The following ASIC4 variants were observed in gnomAD, a reference collection of about 807,000 sequenced individuals.
The protein encoded by ASIC4 is acid sensing ion channel subunit family member 4, also known as acid-sensing ion channel 4.
ASIC4 carries 28 observed loss-of-function variants against 53.4 expected under a neutral mutation model. The observed-to-expected ratio is 0.52, with a 90% confidence interval of 0.39 to 0.72. The LOEUF is 0.72. Ranked by LOEUF, ASIC4 falls within the 30% of genes least tolerant of loss-of-function variation. The pLI, the probability that ASIC4 is intolerant of heterozygous loss-of-function variation, is 0.00. For missense variants in ASIC4, 649 were observed against 729.7 expected, an observed-to-expected ratio of 0.89 and a Z score of 1.27; for synonymous variants, 289 against 301.4, an observed-to-expected ratio of 0.96 and a Z score of 0.43.
rs997732848 is a variant in ASIC4, at chr2:219,538,276, A to T, written c.*230A>T. 3 of 502,712 alleles carry T rather than the reference A, an allele frequency of 6.0e-6. No homozygotes were observed. The highest frequency in any genetic ancestry group is 1.1e-5 in the Non-Finnish European group (3 of 279,146). The allele number at this position is 502,712 out of a possible 1,614,324, so 31.1% of individuals were successfully genotyped here. ...CCCCGGGAGGGCTGGAGACCAGGCC[A>T]TGGGCCCTCACGGAGAGGAAGGGAA... is the stretch of plus-strand genomic sequence containing the variant. On this transcript the variant is annotated 3_prime_UTR_variant, in exon 10 of 10. Coordinates refer to ENST00000358078, the MANE Select transcript of ASIC4 (RefSeq NM_018674.6).
In ASIC4 at chr2:219,537,156, G is replaced by A. The variant is rs767702229; in HGVS notation, c.1320G>A (p.Leu440=). 6.2e-7 allele frequency: 1 copy of A among 1,613,872 alleles called. No homozygotes were observed. The highest frequency in any genetic ancestry group is 1.1e-5 in the South Asian group (1 of 91,082). The part of the protein sequence containing the change: ...QRAAYGLSAL[L]GDLGGQMGLF... ...CAGCCTATGGCCTGTCAGCCCTGCT[G>A]GGTGAGACTGGTGTCCCTGCCCCCA... The change falls in exon 7 of 10, where the codon CTG becomes CTA. Residue 440 remains leucine, a splice_region_variant and synonymous_variant. Transcript: ENST00000358078. This position sits in a 1 kb window ranked among gnomAD's most constrained non-coding sequence, Gnocchi z 4.9.
the ASIC4 span, among the ~76,000 whole-genome samples, chr2:219,508,970 G>A: frequency 6.6e-6 from 1 of 152,084 alleles, no homozygotes; most frequent in Admixed American, 6.5e-5. Context: ...GGGCGACAGG[G>A]GAGGAGAGCC....
chr2:219,515,744 T>C (rs1574486351), intron 1 of ASIC4, among the ~76,000 whole-genome samples: 1 of 151,698 alleles, frequency 6.6e-6, no homozygotes, highest in African/African-American at 2.4e-5. Context: ...GGAGGGGAGG[T>C]TTGGGGGGCT....
At chr2:219,511,028 C>T (rs889653855), upstream of ASIC4, among the ~76,000 whole-genome samples, 15 of 152,184 alleles carry the variant, frequency 9.9e-5, no homozygotes, top group South Asian at 4.1e-4. This position sits in a 1 kb window ranked among gnomAD's most constrained non-coding sequence, Gnocchi z 5.3. Flanking sequence ...TGTCCCTTAC[C>T]GCCCACATCT....
At chr2:219,507,451 G>GTT in the ASIC4 span, among the ~76,000 whole-genome samples, 1 of 152,232 alleles carries the variant, frequency 6.6e-6, no homozygotes, top group Non-Finnish European at 1.5e-5. Flanking sequence ...CAGGGTGGGG[G>GTT]TTTTGCCTCT....
rs1695066436 is a variant in ASIC4, at chr2:219,532,899, C to T, written c.1035C>T (p.Cys345=). Residue 345 remains cysteine (C), a synonymous_variant, in exon 5 of 10, where the codon TGC becomes TGT. Coordinates refer to ENST00000358078, the MANE Select transcript of ASIC4 (RefSeq NM_018674.6). The part of the protein sequence containing the change: ...MVHMPGNETI[C]PPNIYIECAD... Reference sequence around the variant, plus strand: ...TCCTTTCAGGCAATGAGACCATCTGCCCACCAAATATCTACATCGAGTGTG... The same window carrying T: ...TCCTTTCAGGCAATGAGACCATCTGTCCACCAAATATCTACATCGAGTGTG... 2.5e-6 allele frequency: 4 copies of T among 1,613,672 alleles called. No individual in the cohort carries two copies. Among genetic ancestry groups the T allele is most frequent in the Non-Finnish European group, 3.4e-6 (4 of 1,179,774 alleles).
In ASIC4 at chr2:219,537,135, C is replaced by G; in HGVS notation, c.1299C>G (p.Ala433=). Residue 433 remains alanine, a synonymous_variant, in exon 7 of 10, where the codon GCC becomes GCG. Transcript: ENST00000358078. This position sits in a 1 kb window ranked among gnomAD's most constrained non-coding sequence, Gnocchi z 4.9. Reference sequence around the variant, plus strand: ...CTGAAGCCATGGAGCAGCGAGCAGCCTATGGCCTGTCAGCCCTGCTGGGTG... The same window carrying G: ...CTGAAGCCATGGAGCAGCGAGCAGCGTATGGCCTGTCAGCCCTGCTGGGTG... ...LTSEAMEQRA[A]YGLSALLGDL... The G allele has an allele frequency of 6.2e-7, 1 of 1,614,118 alleles. No individual in the cohort carries two copies. Among genetic ancestry groups the G allele is most frequent in the Non-Finnish European group, 8.5e-7 (1 of 1,179,988 alleles).
chr2:219,519,695 G>A (rs1344184896), intron 1 of ASIC4, among the ~76,000 whole-genome samples: 1 of 152,238 alleles, frequency 6.6e-6, no homozygotes, highest in Non-Finnish European at 1.5e-5. Flanking sequence ...ATAGCCATAC[G>A]TGGCTATAGG....
intron 1 of ASIC4, among the ~76,000 whole-genome samples, chr2:219,519,313 G>T (rs1192222847): frequency 1.3e-5 from 2 of 152,144 alleles, no homozygotes; most frequent in Non-Finnish European, 2.9e-5. Context: ...TATAAATGCC[G>T]CCACCCCAAC....
At chr2:219,529,640 C>G (rs2125665117) in intron 1 of ASIC4, among the ~76,000 whole-genome samples, 1 of 152,204 alleles carries the variant, frequency 6.6e-6, no homozygotes, top group South Asian at 2.1e-4. Context: ...ATGAGGTGCA[C>G]CTCTCCTTCT....
chr2:219,515,306 G>C lies in ASIC4; in HGVS notation c.582G>C (p.Val194=), dbSNP rs371482112. 26 of 1,606,004 alleles carry C rather than the reference G, an allele frequency of 1.6e-5. No individual in the cohort carries two copies. Among genetic ancestry groups the C allele is most frequent in the Non-Finnish European group, 2.1e-5 (25 of 1,175,296 alleles). The change falls in exon 1 of 10, where the codon GTG becomes GTC. Residue 194 remains valine, a splice_region_variant and synonymous_variant. Transcript: ENST00000358078. The part of the protein sequence containing the change: ...GHHCSASNFS[V]VYTRYGKCYT... ...ACTGCTCCGCCAGCAACTTCTCTGT[G>C]GTGAGTTCTGCCAGCTGGGCTGCCT... is the stretch of plus-strand genomic sequence containing the variant.
intron 5 of ASIC4, 103 bp downstream of exon 5, chr2:219,533,042 G>GAAGAACCCTCCAGGA: frequency 1.5e-6 from 2 of 1,315,660 alleles, no homozygotes; most frequent in Non-Finnish European, 2.2e-6. Flanking sequence ...TCTCTTCCTG[G>GAAGAACCCTCCAGGA]AGGGTTCTTC....
intron 5 of ASIC4, chr2:219,534,058 A>AAAAAG (rs1559119886): frequency 2.0e-5 from 3 of 149,260 alleles, no homozygotes; most frequent in Admixed American, 1.3e-4. Context: ...AAAAAAAAAA[A>AAAAAG]GAGGAGGGAG....
At chr2:219,524,177 G>A (rs1694930575) in intron 1 of ASIC4, among the ~76,000 whole-genome samples, 1 of 152,206 alleles carries the variant, frequency 6.6e-6, no homozygotes, top group South Asian at 2.1e-4. Flanking sequence ...AGCTCCTTGA[G>A]GGCAGAGGCT....
At chr2:219,512,336 TGGTG>T (rs1694712885), upstream of ASIC4, among the ~76,000 whole-genome samples, 2 of 152,014 alleles carry the variant, frequency 1.3e-5, no homozygotes, top group Non-Finnish European at 1.5e-5. Context: ...TCTCAATAGA[TGGTG>T]GGTGAATTTA....
At chr2:219,528,533 G>T (rs13024224) in intron 1 of ASIC4, among the ~76,000 whole-genome samples, 45,043 of 149,320 alleles carry the variant, frequency 0.3, 7,700 homozygotes, top group African/African-American at 0.49. Flanking sequence ...TGGACTTTTT[G>T]TTGTTGTTGT....
Position 219,517,781 on chromosome 2 carries a change from T to C in ASIC4, c.582+2475T>C, listed in dbSNP as rs1694819040. Among the ~76,000 whole-genome samples, 1 of 151,794 alleles carries C rather than the reference T, an allele frequency of 6.6e-6. No individual in the cohort carries two copies. The highest frequency in any genetic ancestry group is 1.5e-5 in the Non-Finnish European group (1 of 67,946). ...TTGGGGTCTATGGTGGGGAGATGGG[T>C]ATGTGAGCTGGTTGGTGGGGAGCCT... is the stretch of plus-strand genomic sequence containing the variant. On this transcript the variant is annotated intron_variant, in intron 1 of 9. Coordinates refer to ENST00000358078, the MANE Select transcript of ASIC4 (RefSeq NM_018674.6). This position sits in a 1 kb window ranked among gnomAD's most constrained non-coding sequence, Gnocchi z 4.2.
chr2:219,534,431 G>A (rs1293225217), intron 5 of ASIC4, among the ~76,000 whole-genome samples: 1 of 152,238 alleles, frequency 6.6e-6, no homozygotes, highest in Non-Finnish European at 1.5e-5. Flanking sequence ...GTCCGAGAGG[G>A]CTGACTGACA....
At position 219,533,008 on chromosome 2, in the gene ASIC4, C is replaced by G. The variant is rs1418593762; in HGVS notation, c.1075+69C>G. 4 of 1,497,694 alleles carry G rather than the reference C, an allele frequency of 2.7e-6. No homozygotes were observed. In the East Asian group the frequency reaches 9.0e-5, roughly 34 times the overall value. The allele number at this position is 1,497,694 out of a possible 1,614,324, so 92.8% of individuals were successfully genotyped here. On this transcript the variant is annotated intron_variant, in intron 5 of 9. Coordinates refer to ENST00000358078, the MANE Select transcript of ASIC4 (RefSeq NM_018674.6). ...ATGTCTCTGTCCACTCTTCTCCTCA[C>G]TGTCTTGGATCCTCCCCTCCCAATC...
Sources: gnomAD v4.1 joint callset for allele counts (sites outside exome capture counted in the v4.1 genomes callset) on GRCh38, gnomAD v4.1.1 for gene constraint, Gnocchi (gnomAD v3.1) non-coding constraint, MANE v1.5 for transcripts, NCBI Gene and HGNC (gene_info 2026-07-23, HGNC 2026-07-21) for gene names.